Variants in IPO7 observed in about 807,000 individuals in gnomAD.
The protein encoded by IPO7 is importin-7.
A neutral mutation model predicts 136.4 loss-of-function variants in IPO7; 13 were observed. The ratio of observed to expected loss-of-function variants is 0.10; its 90% CI spans 0.06 to 0.15. IPO7 has a LOEUF of 0.15. Among genes scored for constraint, IPO7 ranks in the 10% least tolerant of loss-of-function variants. The pLI, the probability that IPO7 is intolerant of heterozygous loss-of-function variation, is 1.00. For missense variants in IPO7, 857 were observed against 1,240.6 expected, an observed-to-expected ratio of 0.69 and a Z score of 4.65; for synonymous variants, 403 against 404.4, an observed-to-expected ratio of 1.00 and a Z score of 0.04.
Position 9,420,347 on chromosome 11 carries a change from C to T in IPO7, c.727-64C>T, listed in dbSNP as rs1036999188. 4 of 1,064,014 alleles carry T rather than the reference C, an allele frequency of 3.8e-6. No individual in the cohort carries two copies. The Admixed American group carries it at 8.2e-5, about 22-fold the overall frequency. 65.9% of individuals were successfully genotyped at this position (1,064,014 alleles called of 1,614,324 possible). ...GCATTCACATTTTTGTCAATCTATT[C>T]TCATCTCATGCTGTTCCTCCTATAT... On this transcript the variant is annotated intron_variant, in intron 6 of 24. Transcript: ENST00000379719.
intron 8 of IPO7, among the ~76,000 whole-genome samples, chr11:9,422,714 G>C (rs1855150728): frequency 6.6e-6 from 1 of 152,056 alleles, no homozygotes; most frequent in African/African-American, 2.4e-5. Context: ...TTGGGAGGCT[G>C]AGATGGGAGA....
At chr11:9,442,419 T>C (rs916242047) in intron 24 of IPO7, among the ~76,000 whole-genome samples, 33 of 152,026 alleles carry the variant, frequency 2.2e-4, no homozygotes, top group Non-Finnish European at 8.8e-5. Flanking sequence ...TTTGTTTGTT[T>C]GTTTGTTTGT....
chr11:9,405,230 A>T (rs188363926), intron 2 of IPO7, among the ~76,000 whole-genome samples: 1 of 151,912 alleles, frequency 6.6e-6, no homozygotes, highest in Non-Finnish European at 1.5e-5. Context: ...ACTGGAGTGC[A>T]GTGGCGCGAT....
intron 22 of IPO7, among the ~76,000 whole-genome samples, chr11:9,439,664 C>A (rs1329778664): frequency 6.6e-6 from 1 of 151,888 alleles, no homozygotes; most frequent in African/African-American, 2.4e-5. Context: ...CAACCTCCGA[C>A]TCCCGGGTTC....
intron 15 of IPO7, chr11:9,430,389 A>T (rs182981038): frequency 5.8e-4 from 90 of 155,848 alleles, no homozygotes; most frequent in Non-Finnish European, 1.1e-3. Context: ...TGGGATTTAT[A>T]TATGGGCCTT....
chr11:9,428,691 T>A, intron 13 of IPO7, 62 bp downstream of exon 13: 1 of 914,730 alleles, frequency 1.1e-6, no homozygotes, highest in Non-Finnish European at 1.8e-6. Flanking sequence ...TCTGTGGACT[T>A]TTATATTGAA....
chr11:9,436,868 A>ATTTTT (rs869227367), intron 20 of IPO7, among the ~76,000 whole-genome samples: 1 of 18,228 alleles, frequency 5.5e-5, no homozygotes, highest in Non-Finnish European at 9.0e-5. Context: ...ATATATATAT[A>ATTTTT]TTTTTTTTTT....
intron 19 of IPO7, 99 bp downstream of exon 19, chr11:9,435,130 T>A: frequency 1.3e-6 from 1 of 742,146 alleles, no homozygotes; most frequent in Non-Finnish European, 2.3e-6. Context: ...AATAAACATG[T>A]AAACATGGAT....
intron 12 of IPO7, among the ~76,000 whole-genome samples, chr11:9,427,158 T>G (rs970568677): frequency 2.6e-5 from 4 of 152,158 alleles, no homozygotes; most frequent in Non-Finnish European, 5.9e-5. Flanking sequence ...CCCTTGCCCA[T>G]TTTTAATTGG....
intron 15 of IPO7, 81 bp downstream of exon 15, chr11:9,429,915 GC>G: frequency 9.6e-7 from 1 of 1,038,524 alleles, no homozygotes; most frequent in Non-Finnish European, 1.4e-6. Context: ...CCAGTGGCTT[GC>G]CTTACCTTAT....
chr11:9,385,423 TAGG>T (rs1564988683), intron 1 of IPO7, among the ~76,000 whole-genome samples: 2 of 152,146 alleles, frequency 1.3e-5, no homozygotes, highest in East Asian at 1.9e-4. Flanking sequence ...CTTGGCAGGA[TAGG>T]AGTAGTGCGG....
rs1855536710 is a variant in IPO7 at position 9,446,890 on chromosome 11, GAA to G, written c.*1702_*1703del. On this transcript the variant is annotated 3_prime_UTR_variant, in exon 25 of 25. Coordinates refer to ENST00000379719, the MANE Select transcript of IPO7 (RefSeq NM_006391.3). ...TACTACTAAAATCTTGGCAAAAAAA[GAA>G]AAAAATTGTCTAACGTGTGTGGGTG... The G allele has an allele frequency of 6.6e-6, 1 of 151,904 alleles. No individual in the cohort carries two copies. Among genetic ancestry groups the G allele is most frequent in the African/African-American group, 2.4e-5 (1 of 41,382 alleles). The allele number at this position is 151,904 out of a possible 1,614,324, so 9.4% of individuals were successfully genotyped here.
intron 3 of IPO7, 77 bp downstream of exon 3, chr11:9,408,716 T>TTG (rs1854924880): frequency 2.0e-6 from 2 of 1,022,234 alleles, no homozygotes; most frequent in Non-Finnish European, 2.7e-6. Context: ...TTTTTTTTTT[T>TTG]TTTTTTTTTT....
intron 2 of IPO7, among the ~76,000 whole-genome samples, chr11:9,407,187 G>A (rs1854900411): frequency 6.6e-6 from 1 of 152,192 alleles, no homozygotes; most frequent in Admixed American, 6.5e-5. Context: ...TCTCTATTCT[G>A]TTTTGGAGAA....
chr11:9,430,626 A>G (rs954526591), intron 15 of IPO7: 2 of 422,878 alleles, frequency 4.7e-6, no homozygotes, highest in South Asian at 5.8e-5. Flanking sequence ...TAGTCCTCGT[A>G]CGGTGTCTAT....
chr11:9,442,238 T>G lies in IPO7; in HGVS notation c.3019+41T>G, dbSNP rs756175560. 4.7e-6 allele frequency: 4 copies of G among 858,610 alleles called. No homozygotes were observed. In the South Asian group the frequency reaches 5.9e-5, roughly 13 times the overall value. The allele number at this position is 858,610 out of a possible 1,614,324, so 53.2% of individuals were successfully genotyped here. A position where few individuals can be genotyped will look rare whatever the true frequency, so the allele number is the denominator to read the frequency against. On this transcript the variant is annotated intron_variant, in intron 24 of 24. Coordinates refer to ENST00000379719, the MANE Select transcript of IPO7 (RefSeq NM_006391.3). ...GTAACTCCTCTTTAATTAGTGACTTTTATAGGTTTAAAATTTTATATCGTT... is the reference window on the plus strand; with the variant it reads ...GTAACTCCTCTTTAATTAGTGACTTGTATAGGTTTAAAATTTTATATCGTT...
intron 1 of IPO7, among the ~76,000 whole-genome samples, chr11:9,394,934 C>G (rs1374265411): frequency 6.6e-6 from 1 of 152,128 alleles, no homozygotes; most frequent in East Asian, 1.9e-4. Flanking sequence ...TGGTTAAGAG[C>G]TTTTAAAACT....
In IPO7 at chr11:9,414,239, G is replaced by A. The variant is rs1855007992; in HGVS notation, c.480-16G>A. On this transcript the variant is annotated splice_polypyrimidine_tract_variant and intron_variant, in intron 4 of 24. Transcript: ENST00000379719. ...AAATAAATTCTTACAGAATTAGTTT[G>A]TATTCCTACTCAAAGGTATAAAAAA... 1 of 1,584,260 alleles carries A rather than the reference G, an allele frequency of 6.3e-7. No homozygotes were observed. The highest frequency in any genetic ancestry group is 8.6e-7 in the Non-Finnish European group (1 of 1,164,128).
intron 12 of IPO7, among the ~76,000 whole-genome samples, chr11:9,425,551 G>C (rs2133752423): frequency 6.6e-6 from 1 of 152,208 alleles, no homozygotes; most frequent in South Asian, 2.1e-4. Flanking sequence ...GACCAGCCTG[G>C]CCAACATGGT....
Sources: allele counts gnomAD v4.1 joint callset (sites outside exome capture counted in the v4.1 genomes callset), GRCh38; gene constraint gnomAD v4.1.1; transcripts MANE v1.5; gene names NCBI Gene and HGNC (gene_info 2026-07-23, HGNC 2026-07-21).